The following TMPRSS11A variants were observed in gnomAD, a reference collection of about 807,000 sequenced individuals.
TMPRSS11A encodes the protein transmembrane protease serine 11A.
A neutral mutation model predicts 58.9 loss-of-function variants in TMPRSS11A; 53 were observed. The observed-to-expected ratio is 0.90, with a 90% CI of 0.72 to 1.13. The LOEUF is 1.13. TMPRSS11A is among the 50% of genes most tolerant of loss of function. The pLI is 0.00. For missense variants in TMPRSS11A, 493 were observed against 499.3 expected (o/e 0.99, Z 0.12); for synonymous variants, 167 against 169.8 (o/e 0.98, Z 0.13).
At chr4:67,946,390 G>A (rs964467371) in intron 2 of TMPRSS11A, 60 bp downstream of exon 2, 6 of 1,516,196 alleles carry the variant, frequency 4.0e-6, no homozygotes, top group African/African-American at 1.4e-5. Context: ...TTACATATAT[G>A]TAAATGGAGC....
In TMPRSS11A at chr4:67,922,928, T is replaced by C; in HGVS notation, c.521-2A>G. 6.2e-7 allele frequency: 1 copy of C among 1,612,594 alleles called. No homozygotes were observed. The highest frequency in any genetic ancestry group is 8.5e-7 in the Non-Finnish European group (1 of 1,179,290). Reference sequence around the variant, plus strand: ...ATGGAACAACTCGTTTACCACAACCTGAAAAAAGATGAGATCATTAAGTTA... The same window carrying C: ...ATGGAACAACTCGTTTACCACAACCCGAAAAAAGATGAGATCATTAAGTTA... On this transcript the variant is annotated splice_acceptor_variant, in intron 6 of 9. Transcript: ENST00000508048. LOFTEE classifies it high-confidence loss of function.
chr4:67,941,635 A>G (rs993453425), intron 3 of TMPRSS11A, among the ~76,000 whole-genome samples: 6 of 152,206 alleles, frequency 3.9e-5, no homozygotes, highest in African/African-American at 1.2e-4. Flanking sequence ...AATACCATAT[A>G]TTAGGAAAAG....
intron 3 of TMPRSS11A, among the ~76,000 whole-genome samples, chr4:67,936,479 T>A (rs1720757327): frequency 6.6e-6 from 1 of 152,116 alleles, no homozygotes; most frequent in Non-Finnish European, 1.5e-5. Context: ...CATCTTTAAG[T>A]GCTGTGTCTA....
chr4:67,953,701 G>A (rs547501851), intron 1 of TMPRSS11A, among the ~76,000 whole-genome samples: 3 of 152,262 alleles, frequency 2.0e-5, no homozygotes, highest in South Asian at 4.1e-4. Flanking sequence ...GGGAGGCTGA[G>A]GCAGGAGAAT....
At chr4:67,916,636 C>G (rs1389331408) in intron 8 of TMPRSS11A, among the ~76,000 whole-genome samples, 2 of 152,048 alleles carry the variant, frequency 1.3e-5, no homozygotes, top group Non-Finnish European at 2.9e-5. Flanking sequence ...ACCATCCTGG[C>G]TAACACGGTG....
intron 8 of TMPRSS11A, among the ~76,000 whole-genome samples, chr4:67,916,472 T>TACACACAC (rs34678013): frequency 1.0e-3 from 151 of 150,206 alleles, no homozygotes; most frequent in East Asian, 4.1e-3. Flanking sequence ...ATATATATTA[T>TACACACAC]ACACACACAC....
Position 67,929,861 on chromosome 4 carries a change from T to C in TMPRSS11A, c.481+19A>G. The C allele has an allele frequency of 6.3e-7, 1 of 1,594,476 alleles. No individual in the cohort carries two copies. Among genetic ancestry groups the C allele is most frequent in the South Asian group, 1.1e-5 (1 of 88,406 alleles). On this transcript the variant is annotated intron_variant, in intron 5 of 9. Transcript: ENST00000508048. ...ACCTAATAGACAACTTCATATCACA[T>C]AGAAGGGGACCTCCTTACCATTAAC... is the stretch of plus-strand genomic sequence containing the variant.
chr4:67,938,278 T>G (rs1370950156), intron 3 of TMPRSS11A, among the ~76,000 whole-genome samples: 1 of 152,166 alleles, frequency 6.6e-6, no homozygotes, highest in African/African-American at 2.4e-5. Context: ...TGTTGAGTTG[T>G]TTAAGTTCTT....
intron 7 of TMPRSS11A, among the ~76,000 whole-genome samples, chr4:67,921,050 A>G (rs1258085046): frequency 1.3e-5 from 2 of 152,200 alleles, no homozygotes; most frequent in Non-Finnish European, 2.9e-5. Context: ...AATAGCTGTT[A>G]TATGAATGAA....
intron 1 of TMPRSS11A, among the ~76,000 whole-genome samples, chr4:67,956,714 T>C (rs1199342317): frequency 1.3e-5 from 2 of 152,238 alleles, no homozygotes; most frequent in African/African-American, 2.4e-5. Flanking sequence ...TGTGGAATCA[T>C]ATGCTTATCT....
At chr4:67,923,905 T>C (rs868409994) in intron 6 of TMPRSS11A, among the ~76,000 whole-genome samples, 1 of 152,204 alleles carries the variant, frequency 6.6e-6, no homozygotes, top group South Asian at 2.1e-4. Context: ...ATAAATGCTT[T>C]CTTCAAATTG....
intron 8 of TMPRSS11A, among the ~76,000 whole-genome samples, chr4:67,917,046 A>G (rs1720177733): frequency 6.6e-6 from 1 of 152,110 alleles, no homozygotes; most frequent in African/African-American, 2.4e-5. Flanking sequence ...GCTTAATGAC[A>G]TTTCTAGCAA....
At chr4:67,924,290 T>C (rs1577855701) in intron 5 of TMPRSS11A, 124 bp from the exon 6 acceptor site, 1 of 814,118 alleles carries the variant, frequency 1.2e-6, no homozygotes, top group East Asian at 2.6e-5. Context: ...ATAGATTAAT[T>C]AGGAGAATGG....
intron 8 of TMPRSS11A, among the ~76,000 whole-genome samples, chr4:67,915,047 T>C (rs1720110014): frequency 6.6e-6 from 1 of 152,198 alleles, no homozygotes; most frequent in Non-Finnish European, 1.5e-5. Flanking sequence ...CTTTTATTTG[T>C]GGGTTCCAGA....
Position 67,960,801 on chromosome 4 carries a change from T to A in TMPRSS11A, c.11+2582A>T, listed in dbSNP as rs573732960. Reference sequence around the variant, plus strand: ...GAAAGCATACAAAGGACCTGCCCAGTACTATCTTTTTGTCTAAAGGTGATG... The same window carrying A: ...GAAAGCATACAAAGGACCTGCCCAGAACTATCTTTTTGTCTAAAGGTGATG... On this transcript the variant is annotated intron_variant, in intron 1 of 9. Transcript: ENST00000508048. Among the ~76,000 whole-genome samples, 3 of 152,284 alleles carry A rather than the reference T, an allele frequency of 2.0e-5. No individual in the cohort carries two copies. The South Asian group carries it at 6.2e-4, about 32-fold the overall frequency.
chr4:67,918,855 A>T (rs1449803065), intron 8 of TMPRSS11A, 118 bp downstream of exon 8: 2 of 1,172,360 alleles, frequency 1.7e-6, no homozygotes, highest in East Asian at 4.7e-5. Flanking sequence ...CAAAGTAAGA[A>T]CCCTAACTAA....
intron 8 of TMPRSS11A, among the ~76,000 whole-genome samples, chr4:67,917,654 A>G (rs1354986534): frequency 6.6e-6 from 1 of 152,158 alleles, no homozygotes; most frequent in Admixed American, 6.5e-5. Context: ...GCCGTGTTCA[A>G]GTAGGGTGGA....
chr4:67,922,151 G>T (rs886539308), intron 7 of TMPRSS11A, among the ~76,000 whole-genome samples: 2 of 152,174 alleles, frequency 1.3e-5, no homozygotes, highest in African/African-American at 4.8e-5. Flanking sequence ...TGGCCCAAGG[G>T]CCTCTATGAA....
rs148395045 is a variant in TMPRSS11A at position 67,914,689 on chromosome 4, T to C, written c.994A>G (p.Ile332Val). 4,548 of 1,613,130 alleles carry C rather than the reference T, an allele frequency of 2.8e-3. 10 individuals carry two copies. Among genetic ancestry groups the C allele is most frequent in the Middle Eastern group, 8.9e-3 (54 of 6,054 alleles). Reference sequence around the variant, plus strand: ...GGTTGCTTGCAGACATCATCACTTATGATTTTCACTCTGGCTTCTCGGAGA... The same window carrying C: ...GGTTGCTTGCAGACATCATCACTTACGATTTTCACTCTGGCTTCTCGGAGA... ...NDLREARVKI[I>V]SDDVCKQPQV... Residue 332 changes from isoleucine (I) to valine (V), a missense_variant, in exon 9 of 10, where the codon ATA becomes GTA. Ile to Val is a conservative substitution (Grantham distance 29). Transcript: ENST00000508048.
Sources: allele counts gnomAD v4.1 joint callset (sites outside exome capture counted in the v4.1 genomes callset), GRCh38; gene constraint gnomAD v4.1.1; transcripts MANE v1.5; gene names NCBI Gene and HGNC (gene_info 2026-07-23, HGNC 2026-07-21).